The following NEDD1 variants were observed in gnomAD, a reference collection of about 807,000 sequenced individuals.
NEDD1 encodes the protein protein NEDD1.
NEDD1 carries 33 observed loss-of-function variants against 74.0 expected under a neutral mutation model. The observed-to-expected ratio is 0.45, with a 90% confidence interval of 0.34 to 0.60. The LOEUF (loss-of-function observed/expected upper bound fraction) is 0.60. Among genes scored for constraint, NEDD1 ranks in the 20% least tolerant of loss-of-function variants. The pLI, the probability that NEDD1 is intolerant of heterozygous loss-of-function variation, is 0.01. For missense variants in NEDD1, 746 were observed against 776.5 expected, an observed-to-expected ratio of 0.96 and a Z score of 0.47; for synonymous variants, 250 against 264.4, an observed-to-expected ratio of 0.95 and a Z score of 0.53.
chr12:96,911,406 C>G (rs1476445823), intron 3 of NEDD1, among the ~76,000 whole-genome samples: 1 of 152,148 alleles, frequency 6.6e-6, no homozygotes, highest in Non-Finnish European at 1.5e-5. Context: ...CTTGCATGAG[C>G]AGATGTGCAC....
intron 6 of NEDD1, among the ~76,000 whole-genome samples, chr12:96,928,824 C>T (rs1323057043): frequency 4.0e-5 from 6 of 151,292 alleles, no homozygotes; most frequent in Non-Finnish European, 7.4e-5. Flanking sequence ...GTAGCTGCGA[C>T]TACAGGCGCC....
rs182178105 is a variant in NEDD1 at position 96,952,195 on chromosome 12, A to G, written c.*142A>G. 1.8e-6 allele frequency: 1 copy of G among 563,244 alleles called. No individual in the cohort carries two copies. The highest frequency in any genetic ancestry group is 3.4e-5 in the Admixed American group (1 of 29,004). The allele number at this position is 563,244 out of a possible 1,614,324, so 34.9% of individuals were successfully genotyped here. On this transcript the variant is annotated 3_prime_UTR_variant, in exon 16 of 16. Coordinates refer to ENST00000266742, the MANE Select transcript of NEDD1 (RefSeq NM_152905.4). ...TAAAAGGATGATGGGATTTTATACC[A>G]ACAACTGTTTCATCTTAAAAATATG...
At chr12:96,930,098 T>A (rs974284300) in intron 6 of NEDD1, among the ~76,000 whole-genome samples, 2 of 151,700 alleles carry the variant, frequency 1.3e-5, no homozygotes, top group Non-Finnish European at 2.9e-5. Context: ...TCTAGTTTGT[T>A]GTAAATGTTG....
intron 2 of NEDD1, among the ~76,000 whole-genome samples, chr12:96,909,108 G>A (rs759511411): frequency 2.1e-4 from 32 of 149,798 alleles, no homozygotes; most frequent in Non-Finnish European, 4.0e-4. Context: ...CCTGGAAGGC[G>A]GAGGTTGTGG....
Position 96,935,061 on chromosome 12 carries a change from T to A in NEDD1, c.575T>A (p.Val192Glu). The A allele has an allele frequency of 6.2e-7, 1 of 1,611,506 alleles. No homozygotes were observed. The highest frequency in any genetic ancestry group is 8.5e-7 in the Non-Finnish European group (1 of 1,177,636). ...AATGGAATAGTAACTCTCTGGGATGTAAATAGTCAGAGTCCATACCATAAC... is the reference window on the plus strand; with the variant it reads ...AATGGAATAGTAACTCTCTGGGATGAAAATAGTCAGAGTCCATACCATAAC... The part of the protein sequence containing the change: ...SDNGIVTLWD[V>E]NSQSPYHNFD... The change falls in exon 7 of 16, where the codon GTA becomes GAA. Residue 192 changes from valine (V) to glutamate (E), a missense_variant. Physicochemically the swap from Val to Glu is moderately radical, Grantham distance 121. Transcript: ENST00000266742.
chr12:96,934,326 T>A (rs1209250463), intron 6 of NEDD1, among the ~76,000 whole-genome samples: 1 of 151,962 alleles, frequency 6.6e-6, no homozygotes, highest in Non-Finnish European at 1.5e-5. Context: ...ATGTATTATA[T>A]TTTTCCTCTG....
intron 6 of NEDD1, among the ~76,000 whole-genome samples, chr12:96,928,737 A>G (rs553869200): frequency 8.0e-6 from 1 of 124,844 alleles, no homozygotes. Flanking sequence ...CCCAGGCTGG[A>G]GTGCAGTGGC....
At chr12:96,934,435 T>C (rs371698956) in intron 6 of NEDD1, among the ~76,000 whole-genome samples, 3 of 152,186 alleles carry the variant, frequency 2.0e-5, no homozygotes, top group East Asian at 3.9e-4. Context: ...TGTCATCTTA[T>C]GGTCCACTGA....
chr12:96,937,246 C>A lies in NEDD1; in HGVS notation c.970C>A (p.Arg324=). The part of the protein sequence containing the change: ...CSNKPTTVNK[R]SVNVNAASGG... ...AAATAAGCCCACAACAGTGAACAAA[C>A]GAAGTGTTAATGTGAATGCTGCTAG... is the stretch of plus-strand genomic sequence containing the variant. The change falls in exon 9 of 16, where the codon CGA becomes AGA. Residue 324 remains arginine, a synonymous_variant. Transcript: ENST00000266742. 1 of 1,611,308 alleles carries A rather than the reference C, an allele frequency of 6.2e-7. No individual in the cohort carries two copies. Among genetic ancestry groups the A allele is most frequent in the Non-Finnish European group, 8.5e-7 (1 of 1,178,528 alleles).
At chr12:96,936,168 A>C (rs76647098) in intron 7 of NEDD1, among the ~76,000 whole-genome samples, 1,523 of 152,296 alleles carry the variant, frequency 0.01, 69 homozygotes, top group East Asian at 0.095. Context: ...ACAACTAAGA[A>C]CAAAGTAACA....
Position 96,936,801 on chromosome 12 carries a change from G to C in NEDD1, c.910G>C (p.Val304Leu). The change falls in exon 8 of 16, where the codon GTT (valine) becomes CTT (leucine). Residue 304 changes from valine (V) to leucine (L), a missense_variant. Val to Leu is a conservative substitution (Grantham distance 32). This residue lies in a region of NEDD1 where 706 missense variants were observed against 706.7 expected (regional missense o/e 1.00). Transcript: ENST00000266742. ...VQCIAFQYST[V>L]LTKSSLNKGC... is the part of the protein sequence containing the mutation. ...GTGTATAGCATTTCAGTACTCCACT[G>C]TTCTTACTAAGGTGAGACATTTTCT... is the stretch of plus-strand genomic sequence containing the variant. The C allele has an allele frequency of 3.8e-6, 6 of 1,597,964 alleles. No homozygotes were observed. Among genetic ancestry groups the C allele is most frequent in the Non-Finnish European group, 5.1e-6 (6 of 1,166,248 alleles).
Position 96,943,542 on chromosome 12 carries a change from A to G in NEDD1, c.1295-18A>G. 4 of 1,590,636 alleles carry G rather than the reference A, an allele frequency of 2.5e-6. No individual in the cohort carries two copies. The highest frequency in any genetic ancestry group is 3.4e-6 in the Non-Finnish European group (4 of 1,160,414). On this transcript the variant is annotated intron_variant, in intron 11 of 15. Transcript: ENST00000266742. The stretch of plus-strand genomic sequence containing the variant: ...ATTGGAGGACACCATATGCACATGC[A>G]GTTTTTCCCTTTTCCAGGCTTTGAC...
In NEDD1 at chr12:96,952,113, C is replaced by A; in HGVS notation, c.*60C>A. On this transcript the variant is annotated 3_prime_UTR_variant, in exon 16 of 16. Transcript: ENST00000266742. ...GGAAGTTTCTGGCAACACAGAACTA[C>A]ATAGAATCAGTATTGTTTTCATGGC... 1 of 890,122 alleles carries A rather than the reference C, an allele frequency of 1.1e-6. No homozygotes were observed. Among genetic ancestry groups the A allele is most frequent in the Non-Finnish European group, 1.9e-6 (1 of 537,334 alleles). The allele number at this position is 890,122 out of a possible 1,614,324, so 55.1% of individuals were successfully genotyped here. A position where few individuals can be genotyped will look rare whatever the true frequency, so the allele number is the denominator to read the frequency against.
At chr12:96,940,899 AAAAAAT>A (rs1326317924) in intron 10 of NEDD1, among the ~76,000 whole-genome samples, 1 of 152,096 alleles carries the variant, frequency 6.6e-6, no homozygotes, top group African/African-American at 2.4e-5. Flanking sequence ...TTCCTAATTT[AAAAAAT>A]TGTGTGTGTA....
rs1289176070 is a variant in NEDD1, at chr12:96,944,788, A to C, written c.1647A>C (p.Ser549=). The C allele has an allele frequency of 2.6e-6, 4 of 1,549,684 alleles. No homozygotes were observed. The highest frequency in any genetic ancestry group is 2.6e-6 in the Non-Finnish European group (3 of 1,154,322). Residue 549 remains serine, a synonymous_variant, in exon 13 of 16, where the codon TCA becomes TCC. Transcript: ENST00000266742. ...GTGAACCCCCAATCAATGGATCCTCAACTCCAAGTAAGTACATGAAACTTC... is the reference window on the plus strand; with the variant it reads ...GTGAACCCCCAATCAATGGATCCTCCACTCCAAGTAAGTACATGAAACTTC... ...LICEPPINGS[S]TPNPKIASSV...
intron 14 of NEDD1, among the ~76,000 whole-genome samples, chr12:96,949,460 A>G (rs1878503880): frequency 1.3e-5 from 2 of 152,134 alleles, no homozygotes; most frequent in Admixed American, 1.3e-4. Context: ...AAATGGAGAG[A>G]TTATAAAGAT....
At chr12:96,907,877 C>T (rs1873492542) in intron 2 of NEDD1, 21 bp downstream of exon 2, 12 of 1,335,026 alleles carry the variant, frequency 9.0e-6, no homozygotes, top group Non-Finnish European at 7.7e-6. Flanking sequence ...AGATGGTCCT[C>T]TTCCCCGCCC....
chr12:96,942,530 G>C, intron 10 of NEDD1, 47 bp from the exon 11 acceptor site: 1 of 927,628 alleles, frequency 1.1e-6, no homozygotes, highest in South Asian at 1.4e-5. Flanking sequence ...AATTGATATG[G>C]TTTCTTTTTC....
At chr12:96,933,647 G>A (rs1876780518) in intron 6 of NEDD1, among the ~76,000 whole-genome samples, 2 of 151,970 alleles carry the variant, frequency 1.3e-5, no homozygotes, top group African/African-American at 4.8e-5. Flanking sequence ...GGTGCCAGGT[G>A]ACTAATAACT....
Sources: allele counts gnomAD v4.1 joint callset (sites outside exome capture counted in the v4.1 genomes callset), GRCh38; gene constraint gnomAD v4.1.1; regional missense constraint gnomAD v4.1.1; transcripts MANE v1.5; gene names NCBI Gene and HGNC (gene_info 2026-07-23, HGNC 2026-07-21).